Variants in IREB2 observed in about 807,000 individuals in gnomAD.
The protein encoded by IREB2 is iron-responsive element-binding protein 2.
IREB2 carries 39 observed loss-of-function variants against 118.8 expected under a neutral mutation model. The ratio of observed to expected loss-of-function variants is 0.33; its 90% CI spans 0.25 to 0.43. IREB2 has a LOEUF of 0.43. IREB2 is among the 20% of genes least tolerant of loss of function. The pLI is 1.00. For synonymous variants in IREB2, 372 were observed against 392.2 expected, an observed-to-expected ratio of 0.95 and a Z score of 0.61; for missense variants, 900 against 1,147.3, an observed-to-expected ratio of 0.78 and a Z score of 3.11.
At chr15:78,469,530 C>G (rs1222944177) in intron 5 of IREB2, among the ~76,000 whole-genome samples, 10 of 151,858 alleles carry the variant, frequency 6.6e-5, no homozygotes, top group Admixed American at 6.6e-4. Context: ...TTGAGACCAG[C>G]CTGACTAACA....
chr15:78,467,646 C>T (rs1257453899), intron 5 of IREB2, among the ~76,000 whole-genome samples: 1 of 150,796 alleles, frequency 6.6e-6, no homozygotes, highest in Non-Finnish European at 1.5e-5. Flanking sequence ...GCCGAGATCA[C>T]GCCACTGCAC....
chr15:78,461,582 A>G (rs1011885180), intron 2 of IREB2, among the ~76,000 whole-genome samples: 33 of 152,348 alleles, frequency 2.2e-4, no homozygotes, highest in African/African-American at 7.2e-4. Flanking sequence ...AGTATTAACT[A>G]AATTACATAT....
chr15:78,479,496 C>G (rs1348720203), intron 10 of IREB2, among the ~76,000 whole-genome samples: 1 of 150,880 alleles, frequency 6.6e-6, no homozygotes, highest in African/African-American at 2.4e-5. Flanking sequence ...CTTGGCCTCT[C>G]AAATTGCTGG....
chr15:78,457,226 GTTA>G (rs911917767), intron 2 of IREB2, among the ~76,000 whole-genome samples: 1 of 151,896 alleles, frequency 6.6e-6, no homozygotes, highest in Non-Finnish European at 1.5e-5. Context: ...TAATCTATTG[GTTA>G]TTTTTTTTTC....
rs141788293 is a variant in IREB2 at position 78,441,980 on chromosome 15, C to A, written c.106+2099C>A. ...GGAGTGCAATGGTGTGATCTCAGCT[C>A]ACTGCTGCCTCTGCCTCCTGAGTTC... On this transcript the variant is annotated intron_variant, in intron 2 of 21. Transcript: ENST00000258886. Among the ~76,000 whole-genome samples the A allele has an allele frequency of 4.9e-4, 75 of 152,162 alleles. 2 individuals carry two copies. In the East Asian group the frequency reaches 0.014, roughly 29 times the overall value.
chr15:78,493,716 G>A (rs1399635598), intron 18 of IREB2, among the ~76,000 whole-genome samples, 193 bp from the exon 19 acceptor site: 2 of 152,036 alleles, frequency 1.3e-5, no homozygotes, highest in South Asian at 4.2e-4. Context: ...AATCTAATGG[G>A]GTTGACTGTA....
intron 10 of IREB2, among the ~76,000 whole-genome samples, chr15:78,482,091 G>T (rs757209305): frequency 6.6e-6 from 1 of 152,034 alleles, no homozygotes; most frequent in Admixed American, 6.6e-5. Context: ...TTAGCCAGGC[G>T]TGGTGGCGCA....
chr15:78,440,202 A>T (rs955225571), intron 2 of IREB2, among the ~76,000 whole-genome samples: 3 of 151,980 alleles, frequency 2.0e-5, no homozygotes, highest in Non-Finnish European at 4.4e-5. Flanking sequence ...TACCCAGGCT[A>T]GTTTTGAACC....
intron 2 of IREB2, among the ~76,000 whole-genome samples, chr15:78,442,827 A>G (rs2050865182): frequency 6.6e-6 from 1 of 152,158 alleles, no homozygotes; most frequent in African/African-American, 2.4e-5. Flanking sequence ...TTTCCCTGGG[A>G]AATAAGCTGT....
chr15:78,465,494 C>T (rs769546510), intron 4 of IREB2, 106 bp downstream of exon 4: 158 of 1,092,794 alleles, frequency 1.4e-4, no homozygotes, highest in Admixed American at 2.1e-4. Flanking sequence ...GAAAAGTATG[C>T]TAAATTTAGT....
chr15:78,440,961 G>A (rs1482929126), intron 2 of IREB2, among the ~76,000 whole-genome samples: 4 of 152,186 alleles, frequency 2.6e-5, no homozygotes, highest in African/African-American at 9.7e-5. Context: ...GACCTCTTTA[G>A]AAGACTCATT....
In IREB2 at chr15:78,487,621, T is replaced by C. The variant is rs370027528; in HGVS notation, c.1710-112T>C. The C allele has an allele frequency of 5.0e-5, 33 of 654,712 alleles. 1 individual carries two copies. The highest frequency in any genetic ancestry group is 2.0e-4 in the African/African-American group (11 of 54,480). 40.6% of individuals were successfully genotyped at this position (654,712 alleles called of 1,614,324 possible). A position where few individuals can be genotyped will look rare whatever the true frequency, so the allele number is the denominator to read the frequency against. On this transcript the variant is annotated intron_variant, in intron 13 of 21. Transcript: ENST00000258886. ...TTGATGAAGGTTAATCCATGTGTCA[T>C]GAATAGTCTTTTAAGTAATCTTATT... is the stretch of plus-strand genomic sequence containing the variant.
chr15:78,479,666 G>C (rs545836806), intron 10 of IREB2, among the ~76,000 whole-genome samples: 87 of 152,070 alleles, frequency 5.7e-4, no homozygotes, highest in African/African-American at 1.8e-3. Context: ...ATCTGCATCT[G>C]GTTTACTTGT....
chr15:78,487,042 C>T (rs12904234), intron 13 of IREB2, among the ~76,000 whole-genome samples: 80,710 of 152,040 alleles, frequency 0.53, 22,284 homozygotes, highest in Non-Finnish European at 0.62. Flanking sequence ...AAATTTTAGA[C>T]TTTTTTGCTT....
intron 5 of IREB2, among the ~76,000 whole-genome samples, chr15:78,467,026 G>C (rs539440371): frequency 2.6e-5 from 4 of 151,760 alleles, no homozygotes; most frequent in Non-Finnish European, 5.9e-5. Context: ...AGACCAGCCT[G>C]GGCAGCACTG....
intron 20 of IREB2, among the ~76,000 whole-genome samples, chr15:78,496,237 G>A (rs2051836047): frequency 6.6e-6 from 1 of 152,018 alleles, no homozygotes; most frequent in Non-Finnish European, 1.5e-5. Context: ...CTTTGTTGCT[G>A]TGGGCTTATA....
At chr15:78,455,695 T>G (rs2051094560) in intron 2 of IREB2, among the ~76,000 whole-genome samples, 1 of 152,362 alleles carries the variant, frequency 6.6e-6, no homozygotes, top group East Asian at 1.9e-4. Flanking sequence ...AAGGGTTAAA[T>G]GGAATAATTT....
chr15:78,473,702 C>T (rs977749948), intron 8 of IREB2: 9 of 212,488 alleles, frequency 4.2e-5, no homozygotes, highest in African/African-American at 1.6e-4. Context: ...ACCAAAGGGT[C>T]GAAGGCCTGA....
chr15:78,470,838 G>A (rs2051363675), intron 6 of IREB2: 3 of 296,992 alleles, frequency 1.0e-5, no homozygotes, highest in Non-Finnish European at 1.8e-5. Context: ...GGGATTACAG[G>A]CGCACACCAG....
Sources: gnomAD v4.1 joint callset for allele counts (sites outside exome capture counted in the v4.1 genomes callset) on GRCh38, gnomAD v4.1.1 for gene constraint, MANE v1.5 for transcripts, NCBI Gene and HGNC (gene_info 2026-07-23, HGNC 2026-07-21) for gene names.